The following ROBO2 variants were observed in gnomAD, a reference collection of about 807,000 sequenced individuals.
ROBO2 encodes the protein roundabout homolog 2.
Under a neutral mutation model 160.8 loss-of-function variants are expected in ROBO2, and 53 were observed. That is an observed-to-expected ratio of 0.33 (90% CI 0.26 to 0.41). ROBO2 has a LOEUF of 0.41. Ranked by LOEUF, ROBO2 falls within the 10% of genes least tolerant of loss-of-function variation. The pLI is 1.00. For missense variants in ROBO2, 1,577 were observed against 1,722.4 expected (o/e 0.92, Z 1.49); for synonymous variants, 664 against 611.7 (o/e 1.09, Z -1.26).
intron 2 of ROBO2, among the ~76,000 whole-genome samples, chr3:76,617,158 C>G (rs775183721): frequency 2.0e-5 from 3 of 152,088 alleles, no homozygotes; most frequent in Non-Finnish European, 2.9e-5. Context: ...TGAAAAGATA[C>G]TCTTATCAAG....
At chr3:76,770,168 C>T (rs1470778600) in intron 2 of ROBO2, among the ~76,000 whole-genome samples, 3 of 151,306 alleles carry the variant, frequency 2.0e-5, no homozygotes, top group Middle Eastern at 3.4e-3. Context: ...AGGCATAATT[C>T]GATAACAAAA....
chr3:76,021,662 T>G lies in ROBO2; in HGVS notation c.109+84060T>G, dbSNP rs551813300. 2.6e-5 allele frequency among the ~76,000 whole-genome samples: 4 copies of G among 151,952 alleles called. No individual in the cohort carries two copies. In the South Asian group the frequency reaches 8.3e-4, roughly 31 times the overall value. ...TTACATTACAATATAACCAGCTGAG[T>G]GTGCAATAGAAGTATGTCTAAAAAC... On this transcript the variant is annotated intron_variant, in intron 2 of 26. Transcript: ENST00000487694.
chr3:76,446,962 A>G (rs377108776), intron 2 of ROBO2, among the ~76,000 whole-genome samples: 1 of 152,244 alleles, frequency 6.6e-6, no homozygotes, highest in Admixed American at 6.5e-5. Context: ...AGGCAATACC[A>G]TTCAGGACAT....
intron 2 of ROBO2, among the ~76,000 whole-genome samples, chr3:76,229,245 C>A (rs1704476249): frequency 6.6e-6 from 1 of 151,962 alleles, no homozygotes; most frequent in African/African-American, 2.4e-5. Context: ...TGTTGCAAAC[C>A]AGAATTTTTA....
At chr3:77,559,753 A>G (rs950779352) in intron 9 of ROBO2, among the ~76,000 whole-genome samples, 1 of 152,012 alleles carries the variant, frequency 6.6e-6, no homozygotes, top group African/African-American at 2.4e-5. Context: ...CAAAGTGACT[A>G]TTTTTGCTAC....
At chr3:76,028,804 A>C (rs1038642799) in intron 2 of ROBO2, among the ~76,000 whole-genome samples, 2 of 151,934 alleles carry the variant, frequency 1.3e-5, no homozygotes, top group African/African-American at 4.8e-5. Flanking sequence ...ATTTGCATTG[A>C]AAAATGCCAT....
intron 2 of ROBO2, among the ~76,000 whole-genome samples, chr3:76,845,361 C>T (rs1177291610): frequency 1.3e-5 from 2 of 151,918 alleles, no homozygotes; most frequent in Admixed American, 6.6e-5. Flanking sequence ...TCTTACCTTT[C>T]TAAAAAATAT....
At chr3:76,206,285 T>C (rs937200168) in intron 2 of ROBO2, among the ~76,000 whole-genome samples, 3 of 152,142 alleles carry the variant, frequency 2.0e-5, no homozygotes, top group African/African-American at 7.2e-5. Context: ...TTCTAAATAG[T>C]TTAATAAGTT....
chr3:76,743,190 A>G (rs943302595), intron 2 of ROBO2, among the ~76,000 whole-genome samples: 7 of 152,076 alleles, frequency 4.6e-5, no homozygotes, highest in African/African-American at 9.7e-5. Context: ...CAGTCTCTCA[A>G]CCATTCCCTT....
At chr3:77,108,424 C>A (rs377025865) in intron 2 of ROBO2, among the ~76,000 whole-genome samples, 10 of 152,048 alleles carry the variant, frequency 6.6e-5, no homozygotes, top group Admixed American at 2.0e-4. Flanking sequence ...GTGACCCCCC[C>A]CTACCTTGGC....
At chr3:76,627,897 T>C (rs1274802718) in intron 2 of ROBO2, among the ~76,000 whole-genome samples, 1 of 152,270 alleles carries the variant, frequency 6.6e-6, no homozygotes, top group East Asian at 1.9e-4. Flanking sequence ...TTCCTATGTA[T>C]GTGAATTTTG....
At chr3:77,351,007 T>C (rs2068269644) in intron 2 of ROBO2, among the ~76,000 whole-genome samples, 1 of 152,248 alleles carries the variant, frequency 6.6e-6, no homozygotes, top group Non-Finnish European at 1.5e-5. Flanking sequence ...CAATAAGTTA[T>C]GCTTTGGTGG....
intron 6 of ROBO2, among the ~76,000 whole-genome samples, chr3:77,526,964 G>C (rs961993767): frequency 2.6e-5 from 4 of 151,418 alleles, no homozygotes; most frequent in Non-Finnish European, 5.9e-5. Flanking sequence ...TCCTTGTAAT[G>C]GTTCTGACTA....
At chr3:77,165,102 G>A (rs556913614) in intron 2 of ROBO2, among the ~76,000 whole-genome samples, 13 of 152,138 alleles carry the variant, frequency 8.5e-5, no homozygotes, top group African/African-American at 2.9e-4. Context: ...TGACAATGGC[G>A]GTTTTGTGGA....
At chr3:77,050,249 T>A (rs1432856945) in intron 1 of ROBO2, among the ~76,000 whole-genome samples, 1 of 152,162 alleles carries the variant, frequency 6.6e-6, no homozygotes, top group Admixed American at 6.5e-5. Context: ...AAGCTTATTA[T>A]TGTTCCATTA....
chr3:76,729,639 C>CTCT (rs893515777), intron 2 of ROBO2, among the ~76,000 whole-genome samples: 2 of 136,104 alleles, frequency 1.5e-5, no homozygotes, highest in African/African-American at 5.6e-5. Context: ...CTCTCTCTCT[C>CTCT]TTTTTTTTTT....
chr3:77,094,549 T>C lies in ROBO2; in HGVS notation c.62-3465T>C, dbSNP rs151299037. ...GTTTCATTCTGGGGTGATATATATC[T>C]AGGAGTGAAATTGCTGGGTCGTATG... On this transcript the variant is annotated intron_variant, in intron 1 of 25. Transcript: ENST00000461745. 9.8e-5 allele frequency among the ~76,000 whole-genome samples: 15 copies of C among 152,298 alleles called. No homozygotes were observed. The East Asian group carries it at 2.7e-3, about 27-fold the overall frequency.
chr3:77,016,108 C>T (rs1380121937), intron 2 of ROBO2, among the ~76,000 whole-genome samples: 1 of 152,074 alleles, frequency 6.6e-6, no homozygotes, highest in African/African-American at 2.4e-5. Context: ...TCCCGAGTAG[C>T]TGGGACTACA....
chr3:76,524,826 TAAAAAAAAAAAAAAAAAAAAAAAA>T lies in ROBO2; in HGVS notation c.110-573171_110-573148del, dbSNP rs58091252. 6.9e-4 allele frequency among the ~76,000 whole-genome samples: 15 copies of T among 21,720 alleles called. No individual in the cohort carries two copies. The East Asian group carries it at 0.012, about 17-fold the overall frequency. 14.2% of individuals were successfully genotyped at this position (21,720 alleles called of 152,430 possible). A position where few individuals can be genotyped will look rare whatever the true frequency, so the allele number is the denominator to read the frequency against. ...TAAAAACCTATGACCCTCTTATTCCTAAAAAAAAAAAAAAAAAAAAAAAAAAAAAAAAAAAAAAAATAAGTAAAA... is the reference window on the plus strand; with the variant it reads ...TAAAAACCTATGACCCTCTTATTCCTAAAAAAAAAAAAAAAATAAGTAAAA... On this transcript the variant is annotated intron_variant, in intron 2 of 26. Transcript: ENST00000487694.
Sources: gnomAD v4.1 joint callset for allele counts (sites outside exome capture counted in the v4.1 genomes callset) on GRCh38, gnomAD v4.1.1 for gene constraint, MANE v1.5 for transcripts, NCBI Gene and HGNC (gene_info 2026-07-23, HGNC 2026-07-21) for gene names.